Variants in ADAMTS12 observed in about 807,000 individuals in gnomAD.
ADAMTS12 encodes A disintegrin and metalloproteinase with thrombospondin motifs 12.
ADAMTS12 carries 118 observed loss-of-function variants against 167.8 expected under a neutral mutation model. The observed-to-expected ratio is 0.70, with a 90% CI of 0.61 to 0.82. The LOEUF (loss-of-function observed/expected upper bound fraction) is 0.82. Ranked by LOEUF, ADAMTS12 falls within the 40% of genes least tolerant of loss-of-function variation. The pLI, the probability that ADAMTS12 is intolerant of heterozygous loss-of-function variation, is 0.00. For missense variants in ADAMTS12, 1,916 were observed against 1,998.8 expected, an observed-to-expected ratio of 0.96 and a Z score of 0.79; for synonymous variants, 704 against 716.9, an observed-to-expected ratio of 0.98 and a Z score of 0.29.
At chr5:33,694,550 C>T (rs1467070850) in intron 3 of ADAMTS12, among the ~76,000 whole-genome samples, 1 of 152,158 alleles carries the variant, frequency 6.6e-6, no homozygotes. Flanking sequence ...AAATAAGAGC[C>T]AGCATTTCTA....
chr5:33,717,488 T>A (rs2112328843), intron 3 of ADAMTS12, among the ~76,000 whole-genome samples: 1 of 152,342 alleles, frequency 6.6e-6, no homozygotes, highest in East Asian at 1.9e-4. Context: ...ACCCTCATTT[T>A]ACAGACGAGG....
chr5:33,581,010 A>C (rs1331951951), intron 18 of ADAMTS12, among the ~76,000 whole-genome samples: 2 of 152,226 alleles, frequency 1.3e-5, no homozygotes, highest in African/African-American at 4.8e-5. Context: ...CACTATGCCC[A>C]GCTGGACAGT....
intron 2 of ADAMTS12, among the ~76,000 whole-genome samples, chr5:33,792,851 T>A (rs982226171): frequency 6.6e-6 from 1 of 152,260 alleles, no homozygotes; most frequent in African/African-American, 2.4e-5. Flanking sequence ...TATTGCTCAG[T>A]GCACAATCTG....
intron 2 of ADAMTS12, among the ~76,000 whole-genome samples, chr5:33,787,748 T>C (rs937695919): frequency 2.0e-5 from 3 of 152,202 alleles, no homozygotes; most frequent in East Asian, 3.9e-4. Context: ...TGTCCCATCC[T>C]TGGGGGTCTC....
chr5:33,597,060 AC>A (rs1442943421), intron 16 of ADAMTS12, among the ~76,000 whole-genome samples: 2 of 152,158 alleles, frequency 1.3e-5, no homozygotes, highest in African/African-American at 4.8e-5. Flanking sequence ...AATAACCCAA[AC>A]CTCTCAACAA....
rs4392627 is a variant in ADAMTS12 at position 33,718,039 on chromosome 5, G to A, written c.634+33365C>T. Among the ~76,000 whole-genome samples the A allele has an allele frequency of 4.3e-3, 651 of 152,292 alleles. 5 individuals carry two copies. The highest frequency in any genetic ancestry group is 0.015 in the African/African-American group (626 of 41,552). On this transcript the variant is annotated intron_variant, in intron 3 of 23. Coordinates refer to ENST00000504830, the MANE Select transcript of ADAMTS12 (RefSeq NM_030955.4). ...TAACATTTTAAATTGCGCTTCTCAC[G>A]TAGCAGGTTGAATTTTCCTGGGCTG...
intron 8 of ADAMTS12, 134 bp from the exon 9 acceptor site, chr5:33,649,100 C>T (rs1740784695): frequency 9.9e-7 from 1 of 1,014,324 alleles, no homozygotes; most frequent in African/African-American, 1.6e-5. Context: ...AGGCAGAGAA[C>T]TCTCTAGGCC....
intron 23 of ADAMTS12, among the ~76,000 whole-genome samples, chr5:33,533,900 T>C (rs1396594318): frequency 6.6e-6 from 1 of 152,232 alleles, no homozygotes; most frequent in Non-Finnish European, 1.5e-5. Context: ...TCTACTCAGC[T>C]GCCCAAGTCA....
At chr5:33,678,153 A>C (rs1052755456) in intron 5 of ADAMTS12, among the ~76,000 whole-genome samples, 1 of 152,180 alleles carries the variant, frequency 6.6e-6, no homozygotes, top group African/African-American at 2.4e-5. Flanking sequence ...AGCCTGAGTG[A>C]TCTCTCTAAC....
intron 2 of ADAMTS12, among the ~76,000 whole-genome samples, chr5:33,834,913 T>C (rs1043254661): frequency 2.0e-5 from 3 of 152,330 alleles, no homozygotes; most frequent in Admixed American, 2.0e-4. Context: ...TCCTTGAGAA[T>C]GGTGGAGTCC....
At chr5:33,555,847 ACCAC>A (rs1382591348) in intron 20 of ADAMTS12, among the ~76,000 whole-genome samples, 1 of 152,198 alleles carries the variant, frequency 6.6e-6, no homozygotes, top group Non-Finnish European at 1.5e-5. Context: ...TGGCAGTACT[ACCAC>A]CCACAGTAGG....
intron 20 of ADAMTS12, among the ~76,000 whole-genome samples, chr5:33,554,338 C>T (rs1424937090): frequency 6.6e-6 from 1 of 152,048 alleles, no homozygotes; most frequent in Non-Finnish European, 1.5e-5. Context: ...TGGGTGGACG[C>T]CATCATGGAG....
intron 18 of ADAMTS12, among the ~76,000 whole-genome samples, chr5:33,577,941 C>T (rs921432875): frequency 6.6e-6 from 1 of 152,212 alleles, no homozygotes; most frequent in Non-Finnish European, 1.5e-5. Flanking sequence ...CCTAACAGAA[C>T]AGGCCTTCCT....
chr5:33,712,784 GGTTGAGATGGGTTA>G (rs1743450375), intron 3 of ADAMTS12, among the ~76,000 whole-genome samples: 1 of 152,088 alleles, frequency 6.6e-6, no homozygotes, highest in South Asian at 2.1e-4. Flanking sequence ...AGGTGAAGCT[GGTTGAGATGGGTTA>G]GTACAATGCT....
At chr5:33,547,717 G>A (rs73078351) in intron 21 of ADAMTS12, among the ~76,000 whole-genome samples, 1 of 152,052 alleles carries the variant, frequency 6.6e-6, no homozygotes, top group South Asian at 2.1e-4. Context: ...TCCTGATGGC[G>A]ATCCGAGAAG....
At chr5:33,707,374 T>C (rs1323298789) in intron 3 of ADAMTS12, among the ~76,000 whole-genome samples, 2 of 152,206 alleles carry the variant, frequency 1.3e-5, no homozygotes, top group East Asian at 3.8e-4. Context: ...ATGGCCATAC[T>C]GCCCAAAGTA....
intron 2 of ADAMTS12, among the ~76,000 whole-genome samples, chr5:33,843,855 A>T (rs1748841125): frequency 6.6e-6 from 1 of 152,256 alleles, no homozygotes; most frequent in South Asian, 2.1e-4. Context: ...CCTACTACAC[A>T]GAATGGCACA....
At chr5:33,595,451 C>T (rs1747875443) in intron 17 of ADAMTS12, among the ~76,000 whole-genome samples, 2 of 152,142 alleles carry the variant, frequency 1.3e-5, no homozygotes, top group Non-Finnish European at 2.9e-5. Flanking sequence ...CGGACAGCCC[C>T]CCACAACAAA....
intron 19 of ADAMTS12, among the ~76,000 whole-genome samples, chr5:33,568,347 T>C (rs1178284575): frequency 2.0e-5 from 3 of 152,236 alleles, no homozygotes; most frequent in Non-Finnish European, 4.4e-5. Flanking sequence ...TTATAGTATT[T>C]GATGCAAGAA....
Sources: allele counts gnomAD v4.1 joint callset (sites outside exome capture counted in the v4.1 genomes callset), GRCh38; gene constraint gnomAD v4.1.1; transcripts MANE v1.5; gene names NCBI Gene and HGNC (gene_info 2026-07-23, HGNC 2026-07-21).